SIM1: variants seen among roughly 807,000 people sequenced by gnomAD.
The protein encoded by SIM1 is single-minded homolog 1.
SIM1 carries 18 observed loss-of-function variants against 78.2 expected under a neutral mutation model. The ratio of observed to expected loss-of-function variants is 0.23; its 90% CI spans 0.16 to 0.34. The LOEUF is 0.34. SIM1 is among the 10% of genes least tolerant of loss of function. The pLI is 1.00. For synonymous variants in SIM1, 417 were observed against 385.2 expected, an observed-to-expected ratio of 1.08 and a Z score of -0.97; for missense variants, 939 against 975.1, an observed-to-expected ratio of 0.96 and a Z score of 0.49.
chr6:100,446,559 A>C (rs1772360829), intron 9 of SIM1, among the ~76,000 whole-genome samples: 1 of 152,246 alleles, frequency 6.6e-6, no homozygotes, highest in South Asian at 2.1e-4. Context: ...GCAGGGCCAC[A>C]CTGGCAACCA....
At chr6:100,399,808 G>T (rs1472263684) in intron 10 of SIM1, among the ~76,000 whole-genome samples, 6 of 152,036 alleles carry the variant, frequency 3.9e-5, no homozygotes, top group African/African-American at 9.6e-5. Flanking sequence ...ACCAATTTTA[G>T]AAAAGAATTT....
At chr6:100,431,573 T>C (rs548845002) in intron 9 of SIM1, among the ~76,000 whole-genome samples, 1 of 152,346 alleles carries the variant, frequency 6.6e-6, no homozygotes, top group East Asian at 1.9e-4. Context: ...TTAAACAAAA[T>C]AAGTTCTGAG....
intron 10 of SIM1, among the ~76,000 whole-genome samples, chr6:100,417,879 G>C (rs958102004): frequency 1.3e-5 from 2 of 152,178 alleles, no homozygotes; most frequent in African/African-American, 4.8e-5. Context: ...TTAACTAGGT[G>C]CATAAATGTT....
intron 9 of SIM1, among the ~76,000 whole-genome samples, chr6:100,431,394 T>C (rs1562247893): frequency 6.6e-6 from 1 of 152,236 alleles, no homozygotes; most frequent in Non-Finnish European, 1.5e-5. Flanking sequence ...ACTGTAATGC[T>C]TGGCTAAATA....
intron 7 of SIM1, 35 bp from the exon 8 acceptor site, chr6:100,448,287 C>T: frequency 6.5e-7 from 1 of 1,543,780 alleles, no homozygotes; most frequent in Non-Finnish European, 8.9e-7. Context: ...TGAATGCAGG[C>T]GCGGGTGCAG....
At chr6:100,463,174 C>G in intron 2 of SIM1, 120 bp downstream of exon 2, 1 of 927,116 alleles carries the variant, frequency 1.1e-6, no homozygotes, top group Non-Finnish European at 1.6e-6. Flanking sequence ...GCTAAACTTC[C>G]CTTTGCAAAA....
intron 2 of SIM1, among the ~76,000 whole-genome samples, chr6:100,461,960 G>A (rs1172759345): frequency 1.3e-5 from 2 of 151,184 alleles, no homozygotes; most frequent in African/African-American, 4.9e-5. Context: ...AACGACTAAA[G>A]CATCACTTGT....
rs980900919 is a variant in SIM1, at chr6:100,385,047, A to G, written c.*5314T>C. ...TGGTAACTATATTTTAAACCAAAAA[A>G]TTCCTCACATAATAAATACATTTTA... On this transcript the variant is annotated 3_prime_UTR_variant, in exon 12 of 12. Coordinates refer to ENST00000369208, the MANE Select transcript of SIM1 (RefSeq NM_005068.3). 2.0e-5 allele frequency: 3 copies of G among 152,072 alleles called. No individual in the cohort carries two copies. Among genetic ancestry groups the G allele is most frequent in the Admixed American group, 6.6e-5 (1 of 15,242 alleles). 9.4% of individuals were successfully genotyped at this position (152,072 alleles called of 1,614,324 possible). A position where few individuals can be genotyped will look rare whatever the true frequency, so the allele number is the denominator to read the frequency against.
chr6:100,439,626 A>T (rs1325407909), intron 9 of SIM1, among the ~76,000 whole-genome samples: 1 of 152,336 alleles, frequency 6.6e-6, no homozygotes, highest in Non-Finnish European at 1.5e-5. Context: ...AATGAGGAAT[A>T]TACAAAAGGC....
chr6:100,410,574 C>G (rs1000640600), intron 10 of SIM1, among the ~76,000 whole-genome samples: 2 of 152,148 alleles, frequency 1.3e-5, no homozygotes, highest in Non-Finnish European at 2.9e-5. Context: ...GCAAGTTATC[C>G]TCAGGCAGAG....
intron 10 of SIM1, among the ~76,000 whole-genome samples, chr6:100,394,562 C>G (rs777788730): frequency 5.3e-5 from 8 of 152,074 alleles, no homozygotes; most frequent in Non-Finnish European, 1.2e-4. Context: ...TGCAACAATA[C>G]ACAGCTAATT....
At chr6:100,419,753 AG>A (rs1771515742) in intron 10 of SIM1, among the ~76,000 whole-genome samples, 3 of 152,180 alleles carry the variant, frequency 2.0e-5, no homozygotes, top group African/African-American at 7.2e-5. Context: ...GCCATTCTCC[AG>A]TCTCAGCCTC....
At chr6:100,398,958 T>A (rs1032840768) in intron 10 of SIM1, among the ~76,000 whole-genome samples, 3 of 96,986 alleles carry the variant, frequency 3.1e-5, no homozygotes, top group Non-Finnish European at 4.9e-5. Context: ...TGTGTGTGTG[T>A]GTATGTGTAG....
intron 9 of SIM1, among the ~76,000 whole-genome samples, chr6:100,444,791 G>C (rs187768630): frequency 1.3e-5 from 2 of 152,218 alleles, no homozygotes; most frequent in East Asian, 3.9e-4. Flanking sequence ...CAGGAAATTA[G>C]AAAATCAACG....
chr6:100,456,316 C>A (rs999085523), intron 2 of SIM1, among the ~76,000 whole-genome samples: 4 of 152,178 alleles, frequency 2.6e-5, no homozygotes, highest in African/African-American at 4.8e-5. Context: ...CGCTCTAGCA[C>A]ACCCAATTTC....
rs41318039 is a variant in SIM1 at position 100,390,248 on chromosome 6, T to A, written c.*113A>T. ...ATAGGAACACGTATCAAATACCCAG[T>A]AACTTAAGTTATACTCTCTAACAAT... On this transcript the variant is annotated 3_prime_UTR_variant, in exon 12 of 12. Transcript: ENST00000369208. 0.039 allele frequency: 45,465 copies of A among 1,174,356 alleles called. 1,051 individuals carry two copies. Among genetic ancestry groups the A allele is most frequent in the Non-Finnish European group, 0.045 (37,390 of 835,158 alleles). 72.7% of individuals were successfully genotyped at this position (1,174,356 alleles called of 1,614,324 possible). A position where few individuals can be genotyped will look rare whatever the true frequency, so the allele number is the denominator to read the frequency against.
At chr6:100,412,746 AGAAAG>A (rs1387786106) in intron 10 of SIM1, among the ~76,000 whole-genome samples, 1 of 142,454 alleles carries the variant, frequency 7.0e-6, no homozygotes, top group Non-Finnish European at 1.5e-5. Context: ...AAAGAAAGAA[AGAAAG>A]AAAAAAGAAA....
intron 10 of SIM1, among the ~76,000 whole-genome samples, chr6:100,412,654 AAAG>A (rs1310262372): frequency 8.2e-6 from 1 of 122,482 alleles, no homozygotes; most frequent in African/African-American, 3.0e-5. Context: ...AGAAAGAAAG[AAAG>A]AGAGAGAGAG....
intron 10 of SIM1, among the ~76,000 whole-genome samples, chr6:100,415,126 T>A (rs1023038704): frequency 6.6e-6 from 1 of 152,186 alleles, no homozygotes; most frequent in South Asian, 2.1e-4. Flanking sequence ...GGCACGCACT[T>A]TCTGTAATAA....
Sources: gnomAD v4.1 joint callset for allele counts (sites outside exome capture counted in the v4.1 genomes callset) on GRCh38, gnomAD v4.1.1 for gene constraint, MANE v1.5 for transcripts, NCBI Gene and HGNC (gene_info 2026-07-23, HGNC 2026-07-21) for gene names.